The following PTGER3 variants were observed in gnomAD, a reference collection of about 807,000 sequenced individuals.
PTGER3 encodes prostaglandin E receptor 3, also known as prostaglandin E2 receptor EP3 subtype.
In PTGER3, 22 loss-of-function variants were observed where a neutral mutation model predicts 34.7. The ratio of observed to expected loss-of-function variants is 0.63; its 90% CI spans 0.45 to 0.91. PTGER3 has a LOEUF of 0.91. Ranked by LOEUF, PTGER3 falls within the 40% of genes least tolerant of loss-of-function variation. The pLI, the probability that PTGER3 is intolerant of heterozygous loss-of-function variation, is 0.00. For missense variants in PTGER3, 468 were observed against 519.4 expected (o/e 0.90, Z 0.96); for synonymous variants, 241 against 230.1 (o/e 1.05, Z -0.43).
intron 2 of PTGER3, among the ~76,000 whole-genome samples, chr1:71,001,559 T>A (rs1471237248): frequency 6.6e-6 from 1 of 151,134 alleles, no homozygotes; most frequent in East Asian, 1.9e-4. Context: ...CTTGCTATTT[T>A]TGTCTCCTAG....
intron 4 of PTGER3, among the ~76,000 whole-genome samples, chr1:70,871,156 G>A (rs1311328656): frequency 6.6e-6 from 1 of 152,130 alleles, no homozygotes; most frequent in Non-Finnish European, 1.5e-5. Flanking sequence ...CATGGTTCTG[G>A]CATCTGTTTG....
At chr1:71,003,888 T>G (rs78336552) in intron 2 of PTGER3, among the ~76,000 whole-genome samples, 17 of 152,324 alleles carry the variant, frequency 1.1e-4, no homozygotes, top group African/African-American at 3.8e-4. Flanking sequence ...AAGAGGTCTA[T>G]AGATAGACTT....
At chr1:70,896,441 G>A (rs942658621) in intron 4 of PTGER3, among the ~76,000 whole-genome samples, 19 of 152,224 alleles carry the variant, frequency 1.2e-4, no homozygotes, top group African/African-American at 4.6e-4. Flanking sequence ...ACTACCAGAA[G>A]CTAAGAGAAG....
chr1:71,034,277 C>A (rs994851865), intron 1 of PTGER3, among the ~76,000 whole-genome samples: 4 of 152,038 alleles, frequency 2.6e-5, no homozygotes, highest in Non-Finnish European at 4.4e-5. Context: ...ACATTTTTAT[C>A]GCTAAATTTT....
intron 2 of PTGER3, among the ~76,000 whole-genome samples, chr1:70,995,413 G>A (rs1431124342): frequency 1.3e-5 from 2 of 152,028 alleles, no homozygotes; most frequent in African/African-American, 4.8e-5. Context: ...CTCTGCTCTT[G>A]AAATAGATAG....
At chr1:70,959,123 C>T (rs192753578) in intron 2 of PTGER3, among the ~76,000 whole-genome samples, 58 of 152,162 alleles carry the variant, frequency 3.8e-4, no homozygotes, top group African/African-American at 1.2e-3. Flanking sequence ...CTAGCTTTGT[C>T]TTTTTTGCTC....
rs2100691688 is a variant in PTGER3 at position 70,974,291 on chromosome 1, T to C, written c.1169+6A>G. On this transcript the variant is annotated splice_donor_region_variant and intron_variant, in intron 3 of 3. Transcript: ENST00000306666. ...GCTATAAATCCCGGCAGTTTCTAAATCTCACCTTTCCAAATGGTCGCTCCA... is the reference window on the plus strand; with the variant it reads ...GCTATAAATCCCGGCAGTTTCTAAACCTCACCTTTCCAAATGGTCGCTCCA... The C allele has an allele frequency of 6.2e-7, 1 of 1,611,988 alleles. No individual in the cohort carries two copies. The highest frequency in any genetic ancestry group is 1.1e-5 in the South Asian group (1 of 90,982).
chr1:70,956,244 T>C (rs1456102104), intron 2 of PTGER3, among the ~76,000 whole-genome samples: 3 of 152,202 alleles, frequency 2.0e-5, no homozygotes, highest in Non-Finnish European at 4.4e-5. Flanking sequence ...GGGGGAACCA[T>C]TTTAAGAAAA....
chr1:70,945,371 T>G (rs1182973738), intron 4 of PTGER3, among the ~76,000 whole-genome samples: 1 of 152,062 alleles, frequency 6.6e-6, no homozygotes, highest in African/African-American at 2.4e-5. Context: ...GGCTTTTGCT[T>G]GAAAATACCT....
intron 2 of PTGER3, among the ~76,000 whole-genome samples, chr1:71,003,689 T>C (rs959246790): frequency 1.3e-5 from 2 of 152,208 alleles, no homozygotes; most frequent in Non-Finnish European, 2.9e-5. Flanking sequence ...TCCAGTTACA[T>C]TGATTTACTG....
chr1:70,986,758 C>T (rs1275203372), intron 2 of PTGER3, among the ~76,000 whole-genome samples: 3 of 152,154 alleles, frequency 2.0e-5, no homozygotes, highest in Admixed American at 2.0e-4. Flanking sequence ...CACACAGATG[C>T]CATCTTGGCT....
At chr1:70,993,099 T>C (rs2100778376) in intron 2 of PTGER3, among the ~76,000 whole-genome samples, 1 of 152,322 alleles carries the variant, frequency 6.6e-6, no homozygotes, top group South Asian at 2.1e-4. Context: ...GATCTGGATA[T>C]ACTTACTTTC....
rs368628641 is a variant in PTGER3, at chr1:70,893,327, T to C, written c.*24-40468A>G. Among the ~76,000 whole-genome samples the C allele has an allele frequency of 2.6e-5, 4 of 152,168 alleles. No individual in the cohort carries two copies. In the South Asian group the frequency reaches 8.3e-4, roughly 32 times the overall value. On this transcript the variant is annotated intron_variant, in intron 4 of 4. Coordinates refer to the PTGER3 transcript ENST00000370931. Reference sequence around the variant, plus strand: ...AGTCATGCAGCTAAGTGCCAATGCTTAGATTTAATTCTAGAACAGCCTGCT... The same window carrying C: ...AGTCATGCAGCTAAGTGCCAATGCTCAGATTTAATTCTAGAACAGCCTGCT...
At chr1:70,973,231 ATAGATAG>A (rs1653308817) in intron 3 of PTGER3, among the ~76,000 whole-genome samples, 1 of 120,966 alleles carries the variant, frequency 8.3e-6, no homozygotes, top group African/African-American at 3.0e-5. Flanking sequence ...TGATAGATAG[ATAGATAG>A]ATAGATAGAT....
intron 4 of PTGER3, among the ~76,000 whole-genome samples, chr1:70,881,261 C>A (rs1646384385): frequency 6.6e-6 from 1 of 152,114 alleles, no homozygotes; most frequent in African/African-American, 2.4e-5. Flanking sequence ...TCTGTTAGTT[C>A]AGTTTGATTC....
intron 4 of PTGER3, among the ~76,000 whole-genome samples, chr1:70,913,031 C>G (rs1257125715): frequency 1.3e-5 from 2 of 151,854 alleles, no homozygotes; most frequent in Non-Finnish European, 2.9e-5. Context: ...ATAGAAAATG[C>G]CTGCTGGGAT....
chr1:70,889,414 C>CAAAAAAAAA (rs372750310), intron 4 of PTGER3, among the ~76,000 whole-genome samples: 1 of 63,620 alleles, frequency 1.6e-5, no homozygotes, highest in Non-Finnish European at 3.0e-5. Flanking sequence ...GACTCCATCT[C>CAAAAAAAAA]AAAAAAAAAA....
At chr1:70,870,532 T>G (rs1194657281) in intron 4 of PTGER3, among the ~76,000 whole-genome samples, 1 of 152,234 alleles carries the variant, frequency 6.6e-6, no homozygotes, top group African/African-American at 2.4e-5. Context: ...GGCTGAGAAA[T>G]CTTCTAAACA....
chr1:70,954,600 G>A (rs1018703997), intron 2 of PTGER3, among the ~76,000 whole-genome samples: 11 of 152,106 alleles, frequency 7.2e-5, no homozygotes, highest in Admixed American at 6.6e-4. Flanking sequence ...CCAAATTCAC[G>A]TATATGATAG....
Sources: allele counts gnomAD v4.1 joint callset (sites outside exome capture counted in the v4.1 genomes callset), GRCh38; gene constraint gnomAD v4.1.1; transcripts MANE v1.5; gene names NCBI Gene and HGNC (gene_info 2026-07-23, HGNC 2026-07-21).